Variants in AGMO observed in about 807,000 individuals in gnomAD.
AGMO encodes the protein alkylglycerol monooxygenase.
Under a neutral mutation model 60.2 loss-of-function variants are expected in AGMO, and 75 were observed. That is an observed-to-expected ratio of 1.25 (90% CI 1.03 to 1.51). AGMO has a LOEUF of 1.51. Among genes scored for constraint, AGMO ranks in the 40% most tolerant of loss-of-function variants. The probability of loss-of-function intolerance (pLI) is 0.00; values close to 1 mark genes in which losing one functional copy is unlikely to be tolerated. For synonymous variants in AGMO, 261 were observed against 177.1 expected (o/e 1.47, Z -3.76); for missense variants, 763 against 525.5 (o/e 1.45, Z -4.42).
chr7:15,447,253 G>A (rs7797027), intron 3 of AGMO, among the ~76,000 whole-genome samples: 25,887 of 152,100 alleles, frequency 0.17, 2,642 homozygotes, highest in African/African-American at 0.27. Context: ...TTTCCCAGAC[G>A]TAAGAGTTTA....
At chr7:15,337,409 G>A (rs1168308236) in intron 12 of AGMO, among the ~76,000 whole-genome samples, 1 of 152,070 alleles carries the variant, frequency 6.6e-6, no homozygotes, top group Non-Finnish European at 1.5e-5. Flanking sequence ...GGAATGACTG[G>A]CCATAAAACA....
chr7:15,327,946 A>T lies in AGMO; in HGVS notation c.1263+37568T>A, dbSNP rs566201920. On this transcript the variant is annotated intron_variant, in intron 12 of 12. Coordinates refer to ENST00000342526, the MANE Select transcript of AGMO (RefSeq NM_001004320.2). Reference sequence around the variant, plus strand: ...TTGCCGGGCTAATTTAAAAAAAAAAATTTTTTTTTGGTTGAGACAGGGTCT... The same window carrying T: ...TTGCCGGGCTAATTTAAAAAAAAAATTTTTTTTTTGGTTGAGACAGGGTCT... Among the ~76,000 whole-genome samples, 173 of 148,252 alleles carry T rather than the reference A, an allele frequency of 1.2e-3. 2 individuals are homozygous for T. The Middle Eastern group carries it at 0.018, about 16-fold the overall frequency.
chr7:15,257,784 A>G (rs2128508569), intron 12 of AGMO, among the ~76,000 whole-genome samples: 1 of 152,334 alleles, frequency 6.6e-6, no homozygotes, highest in South Asian at 2.1e-4. Context: ...TACTCTATCT[A>G]AATGAAATCA....
intron 12 of AGMO, among the ~76,000 whole-genome samples, chr7:15,341,213 TTTC>T (rs931652924): frequency 7.9e-5 from 12 of 152,202 alleles, no homozygotes; most frequent in Non-Finnish European, 1.2e-4. Flanking sequence ...AGAAAATGGA[TTTC>T]TTTTCTACTG....
chr7:15,194,821 ATTT>A, the AGMO span, among the ~76,000 whole-genome samples: 3 of 152,046 alleles, frequency 2.0e-5, no homozygotes, highest in African/African-American at 7.2e-5. Flanking sequence ...GCCAGGTTCC[ATTT>A]TTAGATGATC....
chr7:15,184,473 A>AGGGAGGGAG, the AGMO span, among the ~76,000 whole-genome samples: 1 of 129,144 alleles, frequency 7.7e-6, no homozygotes, highest in African/African-American at 2.9e-5. Flanking sequence ...GAAGGAAGGA[A>AGGGAGGGAG]GGAAAAGGAG....
chr7:15,316,525 G>T (rs1780930675), intron 12 of AGMO, among the ~76,000 whole-genome samples: 1 of 152,140 alleles, frequency 6.6e-6, no homozygotes, highest in African/African-American at 2.4e-5. Context: ...TGATAAGGAA[G>T]TGTTACAGGC....
downstream of AGMO, among the ~76,000 whole-genome samples, chr7:15,198,032 A>G (rs955591742): frequency 2.6e-5 from 4 of 152,228 alleles, no homozygotes; most frequent in African/African-American, 9.6e-5. Flanking sequence ...ACTAAATAAA[A>G]TAATACTAAT....
rs998229526 is a variant in AGMO at position 15,336,982 on chromosome 7, C to G, written c.1263+28532G>C. Among the ~76,000 whole-genome samples, 3 of 152,178 alleles carry G rather than the reference C, an allele frequency of 2.0e-5. No individual in the cohort carries two copies. In the East Asian group the frequency reaches 5.8e-4, roughly 29 times the overall value. On this transcript the variant is annotated intron_variant, in intron 12 of 12. Coordinates refer to ENST00000342526, the MANE Select transcript of AGMO (RefSeq NM_001004320.2). Reference sequence around the variant, plus strand: ...AACATGTGTGAGATTGTCAAACATTCCAGTGCCCTCCCTGGGGGCACTCAA... The same window carrying G: ...AACATGTGTGAGATTGTCAAACATTGCAGTGCCCTCCCTGGGGGCACTCAA...
intron 3 of AGMO, among the ~76,000 whole-genome samples, chr7:15,447,079 TTAGA>T (rs1299434548): frequency 1.3e-5 from 2 of 152,160 alleles, no homozygotes; most frequent in Non-Finnish European, 1.5e-5. Flanking sequence ...AGCTGAAAGG[TTAGA>T]TAAACAGCAG....
chr7:15,375,154 A>G (rs571013656), intron 10 of AGMO, among the ~76,000 whole-genome samples: 6 of 152,156 alleles, frequency 3.9e-5, no homozygotes, highest in Non-Finnish European at 5.9e-5. Context: ...TGTTGTTAAC[A>G]TATTATCTTT....
intron 4 of AGMO, among the ~76,000 whole-genome samples, chr7:15,425,463 C>G: frequency 6.8e-6 from 1 of 147,054 alleles, no homozygotes; most frequent in South Asian, 2.1e-4. Flanking sequence ...GAAAGAGGGT[C>G]TTGCTCTGTC....
intron 12 of AGMO, among the ~76,000 whole-genome samples, chr7:15,284,761 TAAC>T (rs975151579): frequency 5.3e-5 from 8 of 151,280 alleles, no homozygotes; most frequent in Admixed American, 2.6e-4. Context: ...GGAAAGTATA[TAAC>T]AACAACAACA....
intron 12 of AGMO, among the ~76,000 whole-genome samples, chr7:15,278,014 C>A (rs746663720): frequency 2.0e-5 from 3 of 152,144 alleles, no homozygotes; most frequent in Non-Finnish European, 4.4e-5. Flanking sequence ...GAAATGAGAT[C>A]TGTTTCCCTA....
chr7:15,150,593 A>T, the AGMO span, among the ~76,000 whole-genome samples: 1 of 151,998 alleles, frequency 6.6e-6, no homozygotes, highest in African/African-American at 2.4e-5. Context: ...TGCTTATGTG[A>T]TGAAGCACAT....
the AGMO span, among the ~76,000 whole-genome samples, chr7:15,143,733 C>A: frequency 6.8e-6 from 1 of 147,764 alleles, no homozygotes; most frequent in Non-Finnish European, 1.5e-5. Context: ...ACATATACAG[C>A]AATAGTTTCT....
chr7:15,312,279 T>C (rs1780789167), intron 12 of AGMO, among the ~76,000 whole-genome samples: 1 of 152,100 alleles, frequency 6.6e-6, no homozygotes, highest in Non-Finnish European at 1.5e-5. Flanking sequence ...GCCAGATGAA[T>C]TCCAAGCATG....
At chr7:15,170,309 A>G in the AGMO span, among the ~76,000 whole-genome samples, 2 of 152,214 alleles carry the variant, frequency 1.3e-5, no homozygotes, top group African/African-American at 4.8e-5. Flanking sequence ...CTATTTCTGT[A>G]GCTTGTATTT....
At chr7:15,526,966 A>C (rs1784144681) in intron 3 of AGMO, among the ~76,000 whole-genome samples, 1 of 152,192 alleles carries the variant, frequency 6.6e-6, no homozygotes, top group South Asian at 2.1e-4. Flanking sequence ...TTAATGGATA[A>C]ATGTTTTGTG....
Sources: gnomAD v4.1 joint callset for allele counts (sites outside exome capture counted in the v4.1 genomes callset) on GRCh38, gnomAD v4.1.1 for gene constraint, MANE v1.5 for transcripts, NCBI Gene and HGNC (gene_info 2026-07-23, HGNC 2026-07-21) for gene names.